EDIL3: variants seen among roughly 807,000 people sequenced by gnomAD.
EDIL3 encodes EGF like and discoidin domains 3.
Under a neutral mutation model 67.4 loss-of-function variants are expected in EDIL3, and 37 were observed. That is an observed-to-expected ratio of 0.55 (90% CI 0.42 to 0.72). The LOEUF (loss-of-function observed/expected upper bound fraction) is 0.72. EDIL3 is among the 30% of genes least tolerant of loss of function. The pLI is 0.00. For synonymous variants in EDIL3, 195 were observed against 196.3 expected, an observed-to-expected ratio of 0.99 and a Z score of 0.05; for missense variants, 527 against 586.3, an observed-to-expected ratio of 0.90 and a Z score of 1.04.
At chr5:83,950,296 G>A (rs1033291880) in intron 10 of EDIL3, among the ~76,000 whole-genome samples, 2 of 151,788 alleles carry the variant, frequency 1.3e-5, no homozygotes, top group Non-Finnish European at 2.9e-5. Flanking sequence ...TGATCTTGGG[G>A]AACTGTGAAT....
chr5:84,204,021 G>A (rs915904181), intron 3 of EDIL3, among the ~76,000 whole-genome samples: 6 of 152,070 alleles, frequency 3.9e-5, no homozygotes, highest in African/African-American at 7.2e-5. Context: ...AGGGGTCTCC[G>A]CTTTTGTTGT....
chr5:84,299,465 C>A (rs570687083), intron 1 of EDIL3, among the ~76,000 whole-genome samples: 27 of 152,252 alleles, frequency 1.8e-4, no homozygotes, highest in African/African-American at 6.3e-4. Flanking sequence ...TCCCTACAAA[C>A]TTTTATACTG....
chr5:84,083,363 GC>G (rs146471848), intron 6 of EDIL3, among the ~76,000 whole-genome samples: 1,533 of 152,232 alleles, frequency 0.01, 29 homozygotes, highest in African/African-American at 0.036. Context: ...TTTAGGGTAT[GC>G]AAAGAGGCTC....
intron 2 of EDIL3, among the ~76,000 whole-genome samples, chr5:84,242,173 A>C (rs1580394215): frequency 6.6e-6 from 1 of 151,782 alleles, no homozygotes; most frequent in East Asian, 1.9e-4. Context: ...CGGAGCTTGC[A>C]GTGAGCCGAG....
At position 83,941,339 on chromosome 5, in the gene EDIL3, C is replaced by T. The variant is rs1230029852; in HGVS notation, c.*2080G>A. On this transcript the variant is annotated 3_prime_UTR_variant, in exon 11 of 11. Transcript: ENST00000296591. ...TAACAAATATAATTTTAATCAACTTCCTTGGAAAATATTTTTAAAACAGGT... is the reference window on the plus strand; with the variant it reads ...TAACAAATATAATTTTAATCAACTTTCTTGGAAAATATTTTTAAAACAGGT... 1 of 151,896 alleles carries T rather than the reference C, an allele frequency of 6.6e-6. No individual in the cohort carries two copies. The highest frequency in any genetic ancestry group is 1.9e-4 in the East Asian group (1 of 5,176). The allele number at this position is 151,896 out of a possible 1,614,324, so 9.4% of individuals were successfully genotyped here.
intron 10 of EDIL3, among the ~76,000 whole-genome samples, chr5:83,962,653 A>G (rs1744624380): frequency 6.6e-6 from 1 of 151,554 alleles, no homozygotes; most frequent in South Asian, 2.1e-4. Context: ...TTAAAATACA[A>G]TGAAGGAAAC....
At chr5:84,345,822 T>C (rs1747226021) in intron 1 of EDIL3, among the ~76,000 whole-genome samples, 1 of 152,180 alleles carries the variant, frequency 6.6e-6, no homozygotes, top group African/African-American at 2.4e-5. Flanking sequence ...GAAATGGATA[T>C]ATTTCATGCT....
chr5:83,977,009 T>G (rs1430247195), intron 9 of EDIL3, among the ~76,000 whole-genome samples: 1 of 151,866 alleles, frequency 6.6e-6, no homozygotes, highest in Non-Finnish European at 1.5e-5. Flanking sequence ...TATTTGATTG[T>G]TTCCAGTTTT....
At position 84,100,500 on chromosome 5, in the gene EDIL3, CAGTCATAAGTGGG is replaced by C. The variant is rs1487693199; in HGVS notation, c.651+6136_651+6148del. Among the ~76,000 whole-genome samples, 6 of 152,192 alleles carry C rather than the reference CAGTCATAAGTGGG, an allele frequency of 3.9e-5. No homozygotes were observed. In the East Asian group the frequency reaches 1.2e-3, roughly 30 times the overall value. On this transcript the variant is annotated intron_variant, in intron 6 of 10. Coordinates refer to ENST00000296591, the MANE Select transcript of EDIL3 (RefSeq NM_005711.5). ...AAGAAAACCAAACACCACATGTTCTCAGTCATAAGTGGGAGCTGAACAATGAGACCACATGGAA... is the reference window on the plus strand; with the variant it reads ...AAGAAAACCAAACACCACATGTTCTCAGCTGAACAATGAGACCACATGGAA...
intron 5 of EDIL3, among the ~76,000 whole-genome samples, chr5:84,118,129 A>G (rs1321853392): frequency 6.6e-6 from 1 of 152,188 alleles, no homozygotes; most frequent in East Asian, 1.9e-4. Flanking sequence ...ACCTTACATT[A>G]GTAAGAAAGT....
At position 84,339,934 on chromosome 5, in the gene EDIL3, G is replaced by GT. The variant is rs532149855; in HGVS notation, c.67+44373dup. Among the ~76,000 whole-genome samples, 9 of 151,948 alleles carry GT rather than the reference G, an allele frequency of 5.9e-5. No homozygotes were observed. In the South Asian group the frequency reaches 1.9e-3, roughly 32 times the overall value. ...ATTGTTTTAAATAATCACAATATCT[G>GT]TAAGTACAGAAGAGAACAGAAAGCA... On this transcript the variant is annotated intron_variant, in intron 1 of 10. Coordinates refer to ENST00000296591, the MANE Select transcript of EDIL3 (RefSeq NM_005711.5).
chr5:84,101,161 A>G (rs899219178), intron 6 of EDIL3, among the ~76,000 whole-genome samples: 1 of 152,098 alleles, frequency 6.6e-6, no homozygotes, highest in Admixed American at 6.6e-5. Context: ...GTTGCAATAA[A>G]CATACTATAT....
chr5:84,164,075 T>C (rs1479434568), intron 4 of EDIL3, among the ~76,000 whole-genome samples: 1 of 152,160 alleles, frequency 6.6e-6, no homozygotes, highest in Non-Finnish European at 1.5e-5. Context: ...TCATCATATA[T>C]GCAGATACAA....
At chr5:83,945,759 G>A (rs752580370) in intron 10 of EDIL3, among the ~76,000 whole-genome samples, 2 of 151,888 alleles carry the variant, frequency 1.3e-5, no homozygotes, top group Non-Finnish European at 2.9e-5. Flanking sequence ...ATATTTGCAT[G>A]TTCACTTAAA....
intron 1 of EDIL3, among the ~76,000 whole-genome samples, chr5:84,346,340 C>T (rs1747239881): frequency 6.6e-6 from 1 of 151,870 alleles, no homozygotes; most frequent in Admixed American, 6.6e-5. Flanking sequence ...ACTCCTCTGC[C>T]ATCATAGCAC....
At chr5:84,376,502 T>C (rs1218332655) in intron 1 of EDIL3, among the ~76,000 whole-genome samples, 1 of 152,204 alleles carries the variant, frequency 6.6e-6, no homozygotes, top group Non-Finnish European at 1.5e-5. Flanking sequence ...TTAAGTACTT[T>C]ATATCCTGCC....
chr5:84,314,875 C>T (rs1489182497), intron 1 of EDIL3, among the ~76,000 whole-genome samples: 1 of 151,952 alleles, frequency 6.6e-6, no homozygotes, highest in Non-Finnish European at 1.5e-5. Flanking sequence ...TATGCTAACC[C>T]TATTAAGTAG....
chr5:84,049,811 C>A (rs556943923), intron 9 of EDIL3, among the ~76,000 whole-genome samples: 2 of 152,252 alleles, frequency 1.3e-5, no homozygotes, highest in South Asian at 4.1e-4. Flanking sequence ...GAGGCCCTCA[C>A]ACATTTTTGC....
intron 4 of EDIL3, among the ~76,000 whole-genome samples, chr5:84,164,253 T>C (rs1254713852): frequency 6.6e-6 from 1 of 152,104 alleles, no homozygotes; most frequent in Non-Finnish European, 1.5e-5. Flanking sequence ...CTAGGATACT[T>C]ACTGGATTTG....
Sources: allele counts gnomAD v4.1 joint callset (sites outside exome capture counted in the v4.1 genomes callset), GRCh38; gene constraint gnomAD v4.1.1; transcripts MANE v1.5; gene names NCBI Gene and HGNC (gene_info 2026-07-23, HGNC 2026-07-21).